Variants in SLC25A18 observed in about 807,000 individuals in gnomAD.
SLC25A18 encodes the protein mitochondrial glutamate carrier 2.
A neutral mutation model predicts 31.1 loss-of-function variants in SLC25A18; 24 were observed. That is an observed-to-expected ratio of 0.77 (90% CI 0.56 to 1.08). The LOEUF is 1.08. Ranked by LOEUF, SLC25A18 falls within the 50% of genes least tolerant of loss-of-function variation. The probability of loss-of-function intolerance (pLI) is 0.00; values close to 1 mark genes in which losing one functional copy is unlikely to be tolerated. For missense variants in SLC25A18, 371 were observed against 418.5 expected (o/e 0.89, Z 0.99); for synonymous variants, 173 against 161.9 (o/e 1.07, Z -0.52).
chr22:17,564,180 C>G (rs2056874304), intron 1 of SLC25A18, among the ~76,000 whole-genome samples: 1 of 152,194 alleles, frequency 6.6e-6, no homozygotes, highest in South Asian at 2.1e-4. Flanking sequence ...TTCCCAAAGG[C>G]AGCGTAGATC....
intron 2 of SLC25A18, among the ~76,000 whole-genome samples, chr22:17,575,507 G>A (rs2057209290): frequency 6.6e-6 from 1 of 152,080 alleles, no homozygotes; most frequent in Non-Finnish European, 1.5e-5. Context: ...TTGCTGATGG[G>A]CCCCAAGTTT....
chr22:17,570,067 G>A (rs971916857), intron 2 of SLC25A18, 81 bp downstream of exon 2: 1 of 917,198 alleles, frequency 1.1e-6, no homozygotes, highest in Admixed American at 6.2e-5. Context: ...GGGGGAAAGG[G>A]GAAGAGCAGC....
In SLC25A18 at chr22:17,581,407, T is replaced by C. The variant is rs777867563; in HGVS notation, c.193T>C (p.Tyr65His). ...TARAEGFFGM[Y>H]RGAAVNLTLV... ...TCGGGCGGAGGGCTTCTTCGGCATG[T>C]ACCGAGGTGGGCTTCTCAGGTCCCC... Residue 65 changes from tyrosine (Y) to histidine (H), a missense_variant, in exon 5 of 11, where the codon TAC becomes CAC. Coordinates refer to ENST00000327451, the MANE Select transcript of SLC25A18 (RefSeq NM_031481.3). The C allele has an allele frequency of 4.3e-6, 7 of 1,614,034 alleles. No individual in the cohort carries two copies. Among genetic ancestry groups the C allele is most frequent in the Admixed American group, 3.3e-5 (2 of 60,014 alleles).
intron 2 of SLC25A18, among the ~76,000 whole-genome samples, chr22:17,578,935 A>G (rs2057300116): frequency 1.3e-5 from 2 of 152,218 alleles, no homozygotes; most frequent in Non-Finnish European, 2.9e-5. Context: ...AGAAGCTGTC[A>G]TAATTGTTGT....
At chr22:17,589,710 C>G in intron 10 of SLC25A18, 45 bp downstream of exon 10, 1 of 1,576,864 alleles carries the variant, frequency 6.3e-7, no homozygotes, top group Non-Finnish European at 8.7e-7. Flanking sequence ...ACAGGTTCCT[C>G]TGCGTGGGTG....
At chr22:17,582,502 G>A in intron 5 of SLC25A18, 61 bp from the exon 6 acceptor site, 1 of 1,440,018 alleles carries the variant, frequency 6.9e-7, no homozygotes, top group South Asian at 1.3e-5. Context: ...CTGAAGGGCA[G>A]ACCTGGGGCA....
Position 17,590,108 on chromosome 22 carries a change from C to T in SLC25A18, c.820C>T (p.Gln274Ter). ...CTTTCTCCCCAGGAAACTCTGGATT[C>T]AGGAGGGACCATCTGCCTTCATGAA... ...ITDCARKLWIQEGPSAFMKGA... is the reference protein window; with the variant it reads ...ITDCARKLWI The change falls in exon 11 of 11, where the codon CAG (glutamine) becomes TAG (stop). Residue 274 changes from glutamine (Q) to a stop codon, truncating the protein, a stop_gained. Coordinates refer to ENST00000327451, the MANE Select transcript of SLC25A18 (RefSeq NM_031481.3). LOFTEE classifies it high-confidence loss of function. 1.9e-6 allele frequency: 3 copies of T among 1,614,182 alleles called. No homozygotes were observed. The highest frequency in any genetic ancestry group is 2.5e-6 in the Non-Finnish European group (3 of 1,180,038).
At chr22:17,571,166 G>T (rs1259263617) in intron 2 of SLC25A18, among the ~76,000 whole-genome samples, 1 of 152,162 alleles carries the variant, frequency 6.6e-6, no homozygotes. Context: ...CAGCCCCCGC[G>T]CCCTTTCACC....
chr22:17,564,209 G>C (rs1174727208), intron 1 of SLC25A18, among the ~76,000 whole-genome samples: 8 of 152,098 alleles, frequency 5.3e-5, no homozygotes, highest in Non-Finnish European at 8.8e-5. Context: ...CTGCAGCTTG[G>C]GAGAAGTGAT....
intron 2 of SLC25A18, among the ~76,000 whole-genome samples, chr22:17,571,793 C>T (rs1189888520): frequency 6.7e-6 from 1 of 149,756 alleles, no homozygotes; most frequent in African/African-American, 2.5e-5. Context: ...CCAAGGCAGA[C>T]GGATCAGTTG....
intron 7 of SLC25A18, among the ~76,000 whole-genome samples, chr22:17,584,473 A>AGAG (rs1569190772): frequency 3.5e-5 from 4 of 115,090 alleles, no homozygotes; most frequent in East Asian, 3.0e-4. Context: ...GAGAGAGAGA[A>AGAG]AGAAAGAAAG....
At chr22:17,578,218 G>A (rs1353323149) in intron 2 of SLC25A18, among the ~76,000 whole-genome samples, 4 of 151,768 alleles carry the variant, frequency 2.6e-5, no homozygotes, top group Non-Finnish European at 5.9e-5. Flanking sequence ...CGATCCACCC[G>A]CCTCAGCCTC....
chr22:17,572,012 C>T (rs1175025520), intron 2 of SLC25A18, among the ~76,000 whole-genome samples: 2 of 147,898 alleles, frequency 1.4e-5, no homozygotes, highest in African/African-American at 5.0e-5. Flanking sequence ...GCAAGACTCC[C>T]GTCTCAGAAA....
At chr22:17,581,471 G>C (rs915831242) in intron 5 of SLC25A18, 58 bp downstream of exon 5, 1 of 1,584,558 alleles carries the variant, frequency 6.3e-7, no homozygotes, top group Non-Finnish European at 8.7e-7. Flanking sequence ...ATGGGACATG[G>C]GGAACTGGTG....
In SLC25A18 at chr22:17,590,474, C is replaced by T; in HGVS notation, c.*238C>T. On this transcript the variant is annotated 3_prime_UTR_variant, in exon 11 of 11. Transcript: ENST00000327451. ...ACAGCTACCAGGGGCTTTTGGAAGC[C>T]CCTAACCACCTACTTTTCAACAAAA... The T allele has an allele frequency of 2.3e-6, 1 of 436,562 alleles. No homozygotes were observed. The allele number at this position is 436,562 out of a possible 1,614,324, so 27.0% of individuals were successfully genotyped here.
intron 2 of SLC25A18, among the ~76,000 whole-genome samples, chr22:17,575,914 T>C (rs1407487803): frequency 6.6e-6 from 1 of 152,228 alleles, no homozygotes; most frequent in African/African-American, 2.4e-5. Context: ...AGGGAGCCTC[T>C]GTCTTCCAGC....
At chr22:17,570,157 TGGG>T (rs953597732) in intron 2 of SLC25A18, 171 bp downstream of exon 2, 27 of 249,324 alleles carry the variant, frequency 1.1e-4, no homozygotes, top group Admixed American at 3.9e-4. Context: ...CCCCTGACCA[TGGG>T]GTATCCCAGG....
intron 2 of SLC25A18, among the ~76,000 whole-genome samples, chr22:17,571,065 G>A (rs1011490439): frequency 2.6e-5 from 4 of 152,194 alleles, no homozygotes; most frequent in Non-Finnish European, 5.9e-5. Context: ...GACGTGTTCC[G>A]AAAGCAAAAG....
At chr22:17,589,351 T>C (rs1388880441) in intron 9 of SLC25A18, among the ~76,000 whole-genome samples, 2 of 151,896 alleles carry the variant, frequency 1.3e-5, no homozygotes, top group Admixed American at 6.6e-5. Flanking sequence ...CTCATTTTTG[T>C]ATTTTTAGTA....
Sources: allele counts gnomAD v4.1 joint callset (sites outside exome capture counted in the v4.1 genomes callset), GRCh38; gene constraint gnomAD v4.1.1; transcripts MANE v1.5; gene names NCBI Gene and HGNC (gene_info 2026-07-23, HGNC 2026-07-21).